The following DOCK5 variants were observed in gnomAD, a reference collection of about 807,000 sequenced individuals.
DOCK5 encodes dedicator of cytokinesis protein 5.
A neutral mutation model predicts 251.8 loss-of-function variants in DOCK5; 142 were observed. The observed-to-expected ratio is 0.56, with a 90% CI of 0.49 to 0.65. DOCK5 has a LOEUF of 0.65. DOCK5 is among the 30% of genes least tolerant of loss of function. DOCK5 has a pLI of 0.00. For missense variants in DOCK5, 2,111 were observed against 2,312.3 expected (o/e 0.91, Z 1.79); for synonymous variants, 842 against 835.5 (o/e 1.01, Z -0.13).
At chr8:25,374,838 G>T in intron 37 of DOCK5, 184 bp downstream of exon 37, 2 of 1,445,612 alleles carry the variant, frequency 1.4e-6, no homozygotes, top group South Asian at 1.4e-5. Context: ...GAAAATGTCA[G>T]TTATCTTTTA....
At chr8:25,277,926 T>G (rs11991906) in intron 4 of DOCK5, among the ~76,000 whole-genome samples, 4,686 of 152,284 alleles carry the variant, frequency 0.031, 70 homozygotes, top group Middle Eastern at 0.061. Context: ...GCTTTCTCCT[T>G]TTTTCTTTTT....
chr8:25,368,765 TATAGTC>T, intron 33 of DOCK5, 40 bp downstream of exon 33: 1 of 1,580,692 alleles, frequency 6.3e-7, no homozygotes, highest in African/African-American at 1.3e-5. Flanking sequence ...TAAATGGACA[TATAGTC>T]AAATCATAAC....
intron 1 of DOCK5, among the ~76,000 whole-genome samples, chr8:25,222,709 G>A (rs1586240477): frequency 6.6e-6 from 1 of 152,230 alleles, no homozygotes; most frequent in East Asian, 1.9e-4. Context: ...GGGGCTCCTG[G>A]CAGCCCTGGG....
Position 25,351,722 on chromosome 8 carries a change from T to C in DOCK5, c.2755-9T>C, listed in dbSNP as rs767469850. On this transcript the variant is annotated splice_polypyrimidine_tract_variant and intron_variant, in intron 26 of 51. Transcript: ENST00000276440. ...GAAGGAATGGAGTCAAATCCTGTGT[T>C]CCCTGCAGGGTGCCACTGCGGTGCA... is the stretch of plus-strand genomic sequence containing the variant. 2.2e-5 allele frequency: 35 copies of C among 1,610,916 alleles called. No individual in the cohort carries two copies. The highest frequency in any genetic ancestry group is 3.0e-5 in the Non-Finnish European group (35 of 1,178,022).
At chr8:25,202,511 C>T (rs1801905096) in intron 1 of DOCK5, among the ~76,000 whole-genome samples, 1 of 152,168 alleles carries the variant, frequency 6.6e-6, no homozygotes, top group Non-Finnish European at 1.5e-5. Context: ...GCGTGTGAAT[C>T]CCCTTACTGT....
Position 25,368,571 on chromosome 8 carries a change from G to A in DOCK5, c.3284G>A (p.Gly1095Asp). Residue 1095 changes from glycine to aspartate, a missense_variant and splice_region_variant, in exon 33 of 52, where the codon GGT (glycine) becomes GAT (aspartate). Gly to Asp is a moderately conservative substitution (Grantham distance 94, BLOSUM62 -1). This residue lies in a region of DOCK5 where 1,717 missense variants were observed against 1,892.4 expected (regional missense o/e 0.91). Transcript: ENST00000276440. ...ATATCTTCATTCACTTTCATTTCAG[G>A]TCCCCACAAAATCAAATTCATCCCA... ...FRIRDMWYNL[G>D]PHKIKFIPSM... is the part of the protein sequence containing the mutation. 1 of 1,591,102 alleles carries A rather than the reference G, an allele frequency of 6.3e-7. No homozygotes were observed. Among genetic ancestry groups the A allele is most frequent in the South Asian group, 1.2e-5 (1 of 86,644 alleles).
chr8:25,376,219 C>G (rs1800961058), intron 37 of DOCK5: 1 of 984,996 alleles, frequency 1.0e-6, no homozygotes, highest in Admixed American at 6.2e-5. Flanking sequence ...AACTGTAGGT[C>G]TTTTCATTTG....
At chr8:25,227,538 C>T (rs1179926363) in intron 1 of DOCK5, among the ~76,000 whole-genome samples, 2 of 151,948 alleles carry the variant, frequency 1.3e-5, no homozygotes, top group East Asian at 1.9e-4. Context: ...GGTATGTAAA[C>T]CTTATAGAAA....
intron 1 of DOCK5, among the ~76,000 whole-genome samples, chr8:25,194,574 T>G (rs1360437498): frequency 1.3e-5 from 2 of 152,036 alleles, no homozygotes; most frequent in Admixed American, 1.3e-4. Flanking sequence ...TGGCTCTCAT[T>G]CCCATTCATT....
chr8:25,305,899 C>G (rs1775643642), intron 11 of DOCK5, among the ~76,000 whole-genome samples: 1 of 151,982 alleles, frequency 6.6e-6, no homozygotes. Flanking sequence ...TGATTTTGCT[C>G]CTGTTTTTGT....
rs1001256529 is a variant in DOCK5, at chr8:25,300,719, G to A, written c.846+62G>A. 8.2e-6 allele frequency: 12 copies of A among 1,455,336 alleles called. No individual in the cohort carries two copies. The African/African-American group carries it at 8.4e-5, about 10-fold the overall frequency. 90.2% of individuals were successfully genotyped at this position (1,455,336 alleles called of 1,614,324 possible). A position where few individuals can be genotyped will look rare whatever the true frequency, so the allele number is the denominator to read the frequency against. On this transcript the variant is annotated intron_variant, in intron 9 of 51. Transcript: ENST00000276440. ...TGTGATATGAGCATATTCACATAAT[G>A]AATATGTGGAAAACATACAAAATGA...
intron 14 of DOCK5, among the ~76,000 whole-genome samples, chr8:25,317,569 A>G (rs1161401386): frequency 1.3e-5 from 2 of 152,170 alleles, no homozygotes; most frequent in Non-Finnish European, 2.9e-5. Context: ...AAACTGGAAG[A>G]GCCCTGGGGT....
chr8:25,375,252 A>G, intron 37 of DOCK5: 1 of 165,358 alleles, frequency 6.0e-6, no homozygotes, highest in South Asian at 1.5e-4. Flanking sequence ...CCATGTTACT[A>G]ATAACATTCC....
Position 25,243,130 on chromosome 8 carries a change from T to G in DOCK5, c.44-544T>G, listed in dbSNP as rs374543120. 3.9e-5 allele frequency among the ~76,000 whole-genome samples: 6 copies of G among 152,312 alleles called. No homozygotes were observed. In the South Asian group the frequency reaches 8.3e-4, roughly 21 times the overall value. On this transcript the variant is annotated intron_variant, in intron 1 of 51. Coordinates refer to ENST00000276440, the MANE Select transcript of DOCK5 (RefSeq NM_024940.8). ...CCTTCCACTCAACTGTTAAGTTCCC[T>G]GGGGACAGGGGCCATGTCCATGTGA...
intron 2 of DOCK5, among the ~76,000 whole-genome samples, chr8:25,249,933 T>C (rs1803224277): frequency 6.6e-6 from 1 of 152,254 alleles, no homozygotes; most frequent in South Asian, 2.1e-4. Context: ...CTGAGTAATA[T>C]GTATTATGTA....
chr8:25,393,380 A>G (rs553529718), intron 44 of DOCK5, among the ~76,000 whole-genome samples: 172 of 152,282 alleles, frequency 1.1e-3, no homozygotes, highest in Non-Finnish European at 2.1e-3. Context: ...TCTCAGGTCC[A>G]GTTACCTCAC....
At chr8:25,370,127 A>C (rs1800848182) in intron 34 of DOCK5, among the ~76,000 whole-genome samples, 1 of 152,106 alleles carries the variant, frequency 6.6e-6, no homozygotes, top group South Asian at 2.1e-4. Flanking sequence ...ACACATCTGT[A>C]CCTCTGTCTG....
chr8:25,291,922 C>T, intron 5 of DOCK5, 102 bp from the exon 6 acceptor site: 1 of 1,085,068 alleles, frequency 9.2e-7, no homozygotes, highest in Admixed American at 3.2e-5. Flanking sequence ...TCTCATCTGT[C>T]TGACATTCCC....
chr8:25,348,055 A>C (rs1192751802), intron 26 of DOCK5, among the ~76,000 whole-genome samples: 1 of 152,194 alleles, frequency 6.6e-6, no homozygotes, highest in Admixed American at 6.5e-5. Context: ...AGTAAGTCCA[A>C]TCGTTTTTTG....
Sources: allele counts gnomAD v4.1 joint callset (sites outside exome capture counted in the v4.1 genomes callset), GRCh38; gene constraint gnomAD v4.1.1; regional missense constraint gnomAD v4.1.1; transcripts MANE v1.5; gene names NCBI Gene and HGNC (gene_info 2026-07-23, HGNC 2026-07-21).